RAB5A: variants seen among roughly 807,000 people sequenced by gnomAD.
RAB5A encodes ras-related protein Rab-5A.
In RAB5A, 8 loss-of-function variants were observed where a neutral mutation model predicts 25.7. The ratio of observed to expected loss-of-function variants is 0.31; its 90% confidence interval spans 0.18 to 0.56. RAB5A has a LOEUF of 0.56. RAB5A is among the 20% of genes least tolerant of loss of function. The probability of loss-of-function intolerance (pLI) is 0.91; values close to 1 mark genes in which losing one functional copy is unlikely to be tolerated. For synonymous variants in RAB5A, 98 were observed against 89.8 expected (o/e 1.09, Z -0.52); for missense variants, 192 against 259.7 (o/e 0.74, Z 1.79).
Position 19,984,093 on chromosome 3 carries a change from C to G in RAB5A, c.*270C>G, listed in dbSNP as rs983596971. The G allele has an allele frequency of 2.4e-6, 1 of 415,704 alleles. No homozygotes were observed. Among genetic ancestry groups the G allele is most frequent in the African/African-American group, 2.1e-5 (1 of 48,214 alleles). 25.8% of individuals were successfully genotyped at this position (415,704 alleles called of 1,614,324 possible). On this transcript the variant is annotated 3_prime_UTR_variant, in exon 6 of 6. Transcript: ENST00000273047. ...GGTTAGGGGGAATAATTTCTCATCACTAGGAATATAGACAAATGACTGTCT... is the reference window on the plus strand; with the variant it reads ...GGTTAGGGGGAATAATTTCTCATCAGTAGGAATATAGACAAATGACTGTCT...
intron 2 of RAB5A, among the ~76,000 whole-genome samples, chr3:19,970,250 T>A (rs1285886686): frequency 6.6e-6 from 1 of 152,252 alleles, no homozygotes; most frequent in African/African-American, 2.4e-5. Flanking sequence ...AATTTGAATA[T>A]CCTTTCCCTT....
intron 2 of RAB5A, among the ~76,000 whole-genome samples, chr3:19,954,887 T>C (rs1696477037): frequency 1.3e-5 from 2 of 152,188 alleles, no homozygotes; most frequent in Admixed American, 1.3e-4. Context: ...ATAGCACTTC[T>C]GATGAAATTG....
intron 2 of RAB5A, among the ~76,000 whole-genome samples, chr3:19,971,178 C>G (rs1411975359): frequency 9.3e-6 from 1 of 107,804 alleles, no homozygotes; most frequent in Non-Finnish European, 1.7e-5. Flanking sequence ...GCCTGGGCAA[C>G]AAGAGCTAAA....
intron 2 of RAB5A, among the ~76,000 whole-genome samples, chr3:19,970,920 G>C (rs1287208836): frequency 6.6e-6 from 1 of 152,204 alleles, no homozygotes; most frequent in Non-Finnish European, 1.5e-5. Flanking sequence ...AATTTGGCCA[G>C]GTGTGGTGGC....
intron 2 of RAB5A, among the ~76,000 whole-genome samples, chr3:19,973,615 T>C (rs190943157): frequency 3.3e-5 from 5 of 152,240 alleles, no homozygotes; most frequent in Admixed American, 2.6e-4. Context: ...TTTTAGAAAA[T>C]GGACAATTCT....
At chr3:19,959,468 A>C (rs1466856644) in intron 2 of RAB5A, among the ~76,000 whole-genome samples, 2 of 151,834 alleles carry the variant, frequency 1.3e-5, no homozygotes, top group Non-Finnish European at 2.9e-5. Context: ...ATGTATGTAT[A>C]TATAAATCAA....
At chr3:19,968,914 A>G (rs9828518) in intron 2 of RAB5A, among the ~76,000 whole-genome samples, 1,769 of 152,290 alleles carry the variant, frequency 0.012, 34 homozygotes, top group African/African-American at 0.04. Flanking sequence ...TTATTAGGTT[A>G]AAAAGTATTA....
chr3:19,968,280 A>C (rs1047808310), intron 2 of RAB5A, among the ~76,000 whole-genome samples: 1 of 152,126 alleles, frequency 6.6e-6, no homozygotes, highest in African/African-American at 2.4e-5. Flanking sequence ...AAAGGTACTC[A>C]AATATGACAG....
rs1208293485 is a variant in RAB5A, at chr3:19,983,942, A to G, written c.*119A>G. 3 of 678,002 alleles carry G rather than the reference A, an allele frequency of 4.4e-6. No individual in the cohort carries two copies. Among genetic ancestry groups the G allele is most frequent in the Non-Finnish European group, 7.6e-6 (3 of 393,292 alleles). The allele number at this position is 678,002 out of a possible 1,614,324, so 42.0% of individuals were successfully genotyped here. The stretch of plus-strand genomic sequence containing the variant: ...AAAGAAGAGACTTATGATAGAGTCA[A>G]GTTTCTAATACAGAATTATTTTAAG... On this transcript the variant is annotated 3_prime_UTR_variant, in exon 6 of 6. Transcript: ENST00000273047.
At chr3:19,971,407 C>CT (rs67506735) in intron 2 of RAB5A, among the ~76,000 whole-genome samples, 109,236 of 151,672 alleles carry the variant, frequency 0.72, 40,002 homozygotes, top group Non-Finnish European at 0.77. Flanking sequence ...TAATGTTGGT[C>CT]TTTTCTCCCC....
At chr3:19,968,874 C>T (rs547857821) in intron 2 of RAB5A, among the ~76,000 whole-genome samples, 1 of 152,274 alleles carries the variant, frequency 6.6e-6, no homozygotes, top group Non-Finnish European at 1.5e-5. Flanking sequence ...CTCTCCTGCC[C>T]TCACACTATC....
At chr3:19,980,455 C>CT (rs869252193) in intron 5 of RAB5A, among the ~76,000 whole-genome samples, 190 of 118,358 alleles carry the variant, frequency 1.6e-3, no homozygotes, top group Admixed American at 2.3e-3. Context: ...ATTTTTTTTT[C>CT]TTTTTTTTTT....
At chr3:19,956,403 G>A (rs1559486340) in intron 2 of RAB5A, among the ~76,000 whole-genome samples, 2 of 152,274 alleles carry the variant, frequency 1.3e-5, no homozygotes, top group East Asian at 1.9e-4. Context: ...GCAGTGAGCC[G>A]AGATCGCGCC....
intron 2 of RAB5A, among the ~76,000 whole-genome samples, chr3:19,973,867 T>G (rs1431057536): frequency 1.3e-5 from 2 of 152,224 alleles, no homozygotes; most frequent in Non-Finnish European, 1.5e-5. Context: ...AGACTTTGTT[T>G]CTTTAGCACA....
At chr3:19,967,297 A>G (rs1213710678) in intron 2 of RAB5A, among the ~76,000 whole-genome samples, 1 of 152,118 alleles carries the variant, frequency 6.6e-6, no homozygotes, top group Non-Finnish European at 1.5e-5. Flanking sequence ...GGCAACCGCC[A>G]CCACGTCCAG....
intron 2 of RAB5A, among the ~76,000 whole-genome samples, chr3:19,966,961 A>G (rs1213396542): frequency 1.3e-5 from 2 of 152,004 alleles, no homozygotes; most frequent in Non-Finnish European, 2.9e-5. Flanking sequence ...ATGCCTGGCT[A>G]TGTAAATTTT....
At position 19,976,107 on chromosome 3, in the gene RAB5A, A is replaced by G. The variant is rs1458883312; in HGVS notation, c.376A>G (p.Ile126Val). 1.2e-6 allele frequency: 2 copies of G among 1,613,418 alleles called. No homozygotes were observed. Among genetic ancestry groups the G allele is most frequent in the Non-Finnish European group, 1.7e-6 (2 of 1,179,746 alleles). Reference protein sequence around the residue: ...KELQRQASPNIVIALSGNKAD... With the variant: ...KELQRQASPNVVIALSGNKAD... ...ACTTCAGAGGCAAGCAAGTCCTAAC[A>G]TTGTAATAGCTTTATCGGGAAACAA... The change falls in exon 4 of 6, where the codon ATT becomes GTT. Residue 126 changes from isoleucine to valine, a missense_variant. Transcript: ENST00000273047.
chr3:19,972,857 G>A (rs750503194), intron 2 of RAB5A, among the ~76,000 whole-genome samples: 1 of 152,072 alleles, frequency 6.6e-6, no homozygotes, highest in Non-Finnish European at 1.5e-5. Flanking sequence ...CTTGAGAATT[G>A]GATCATATTT....
At chr3:19,958,570 G>A (rs1696538959) in intron 2 of RAB5A, among the ~76,000 whole-genome samples, 1 of 152,192 alleles carries the variant, frequency 6.6e-6, no homozygotes, top group African/African-American at 2.4e-5. Flanking sequence ...TAGGCCAGGT[G>A]TGGTGGCTCA....
Sources: gnomAD v4.1 joint callset for allele counts (sites outside exome capture counted in the v4.1 genomes callset) on GRCh38, gnomAD v4.1.1 for gene constraint, MANE v1.5 for transcripts, NCBI Gene and HGNC (gene_info 2026-07-23, HGNC 2026-07-21) for gene names.